Variants in EVI5 observed in about 807,000 individuals in gnomAD.
The protein encoded by EVI5 is ecotropic viral integration site 5, also known as ecotropic viral integration site 5 protein homolog.
Under a neutral mutation model 112.0 loss-of-function variants are expected in EVI5, and 73 were observed. The ratio of observed to expected loss-of-function variants is 0.65; its 90% CI spans 0.54 to 0.79. EVI5 has a LOEUF of 0.79. Ranked by LOEUF, EVI5 falls within the 30% of genes least tolerant of loss-of-function variation. The probability of loss-of-function intolerance (pLI) is 0.00; values close to 1 mark genes in which losing one functional copy is unlikely to be tolerated. For synonymous variants in EVI5, 305 were observed against 319.9 expected, an observed-to-expected ratio of 0.95 and a Z score of 0.50; for missense variants, 900 against 968.8, an observed-to-expected ratio of 0.93 and a Z score of 0.94.
At chr1:92,590,317 G>A (rs181332644) in intron 18 of EVI5, among the ~76,000 whole-genome samples, 15 of 152,220 alleles carry the variant, frequency 9.9e-5, no homozygotes, top group Admixed American at 2.0e-4. Context: ...GAACTACTCC[G>A]AGCTAAAGGA....
intron 18 of EVI5, among the ~76,000 whole-genome samples, chr1:92,570,608 A>C (rs1303643978): frequency 6.6e-6 from 1 of 152,218 alleles, no homozygotes; most frequent in Admixed American, 6.5e-5. Context: ...TAACATTGTA[A>C]GAGAGAAGTT....
intron 10 of EVI5, among the ~76,000 whole-genome samples, chr1:92,670,441 A>G (rs1288505527): frequency 2.0e-5 from 3 of 152,208 alleles, no homozygotes; most frequent in African/African-American, 7.2e-5. Flanking sequence ...CTTCTTGACA[A>G]AGTTTAATTT....
chr1:92,525,116 C>A (rs1661625617), intron 19 of EVI5, among the ~76,000 whole-genome samples: 1 of 152,148 alleles, frequency 6.6e-6, no homozygotes, highest in African/African-American at 2.4e-5. Flanking sequence ...GCAGGAATCA[C>A]TGGCGCCCAG....
Position 92,719,114 on chromosome 1 carries a change from G to A in EVI5, c.150-14370C>T, listed in dbSNP as rs142111435. On this transcript the variant is annotated intron_variant, in intron 2 of 19. Coordinates refer to ENST00000684568, the MANE Select transcript of EVI5 (RefSeq NM_001350197.2). ...GATTCACAGCCGAATTCTACCAGAG[G>A]TACAAAGAGGAGATGGTACCATTTC... 6.8e-3 allele frequency among the ~76,000 whole-genome samples: 1,030 copies of A among 150,720 alleles called. 22 individuals carry two copies. The highest frequency in any genetic ancestry group is 0.024 in the African/African-American group (946 of 40,094).
chr1:92,761,433 G>C (rs60815312), intron 1 of EVI5, among the ~76,000 whole-genome samples: 1 of 152,086 alleles, frequency 6.6e-6, no homozygotes, highest in African/African-American at 2.4e-5. Flanking sequence ...ATATCAAACT[G>C]AGAAGTACAT....
intron 19 of EVI5, among the ~76,000 whole-genome samples, chr1:92,542,288 C>G (rs966422037): frequency 3.3e-5 from 5 of 151,958 alleles, no homozygotes; most frequent in Non-Finnish European, 7.4e-5. Context: ...TTGCTCATCC[C>G]TAAGAAGCAA....
chr1:92,790,695 T>G (rs1319562327), intron 1 of EVI5, among the ~76,000 whole-genome samples: 1 of 151,552 alleles, frequency 6.6e-6, no homozygotes, highest in Non-Finnish European at 1.5e-5. Context: ...GGCGTGCACC[T>G]GTAGTCCCAG....
At chr1:92,694,457 A>G (rs1669994896) in intron 7 of EVI5, 69 bp from the exon 8 acceptor site, 4 of 875,206 alleles carry the variant, frequency 4.6e-6, no homozygotes, top group Non-Finnish European at 5.6e-6. Context: ...GTCATTTGAA[A>G]TAATACTAAG....
chr1:92,742,007 C>A (rs1678486903), intron 1 of EVI5, among the ~76,000 whole-genome samples: 1 of 151,806 alleles, frequency 6.6e-6, no homozygotes, highest in Non-Finnish European at 1.5e-5. Flanking sequence ...TGTGTATCAA[C>A]AGAGTAAAAA....
intron 9 of EVI5, among the ~76,000 whole-genome samples, chr1:92,688,194 T>C (rs7539761): frequency 6.6e-6 from 1 of 151,850 alleles, no homozygotes; most frequent in Non-Finnish European, 1.5e-5. Context: ...CATGGAATAC[T>C]ATGCATCCAT....
intron 1 of EVI5, among the ~76,000 whole-genome samples, chr1:92,771,963 T>C (rs1291395076): frequency 2.0e-5 from 3 of 152,050 alleles, no homozygotes; most frequent in Non-Finnish European, 4.4e-5. Flanking sequence ...CAAGCAATTC[T>C]CCTGCCTCAC....
intron 13 of EVI5, among the ~76,000 whole-genome samples, chr1:92,656,263 A>C (rs1259004449): frequency 6.6e-6 from 1 of 152,078 alleles, no homozygotes; most frequent in Non-Finnish European, 1.5e-5. Flanking sequence ...AACTATACAA[A>C]TACATAAAAA....
At chr1:92,702,271 C>A in intron 4 of EVI5, 56 bp from the exon 5 acceptor site, 1 of 880,570 alleles carries the variant, frequency 1.1e-6, no homozygotes, top group Non-Finnish European at 1.7e-6. Flanking sequence ...CTTCCTTCTC[C>A]AAAAAACCTA....
intron 18 of EVI5, among the ~76,000 whole-genome samples, chr1:92,564,820 C>T (rs1341188055): frequency 6.6e-6 from 1 of 151,818 alleles, no homozygotes; most frequent in Non-Finnish European, 1.5e-5. Context: ...GCTGGGATTA[C>T]AGGTGCCCAG....
chr1:92,686,266 C>A (rs904450544), intron 9 of EVI5, among the ~76,000 whole-genome samples: 3 of 152,170 alleles, frequency 2.0e-5, no homozygotes, highest in Non-Finnish European at 2.9e-5. Context: ...TAAACATAAT[C>A]CACCACGTAA....
intron 18 of EVI5, among the ~76,000 whole-genome samples, chr1:92,601,509 A>G (rs1042001836): frequency 3.9e-5 from 6 of 152,262 alleles, no homozygotes; most frequent in Admixed American, 1.3e-4. Flanking sequence ...CATATACACA[A>G]TGGAATATTA....
At chr1:92,580,084 C>T (rs575834589) in intron 18 of EVI5, among the ~76,000 whole-genome samples, 2 of 152,230 alleles carry the variant, frequency 1.3e-5, no homozygotes, top group South Asian at 4.1e-4. Flanking sequence ...ATCATTATCG[C>T]TATACACTTA....
At chr1:92,555,700 A>C (rs1471996921) in intron 19 of EVI5, among the ~76,000 whole-genome samples, 1 of 152,066 alleles carries the variant, frequency 6.6e-6, no homozygotes, top group Admixed American at 6.6e-5. Flanking sequence ...GATACAAAAA[A>C]TTAACCAGGT....
chr1:92,569,852 CAAAAAAAA>C (rs1184172805), intron 18 of EVI5, among the ~76,000 whole-genome samples: 2,388 of 39,436 alleles, frequency 0.061, 35 homozygotes, highest in Non-Finnish European at 0.085. Context: ...GACTCCATCT[CAAAAAAAA>C]AAAAAAAAAA....
Sources: allele counts gnomAD v4.1 joint callset (sites outside exome capture counted in the v4.1 genomes callset), GRCh38; gene constraint gnomAD v4.1.1; transcripts MANE v1.5; gene names NCBI Gene and HGNC (gene_info 2026-07-23, HGNC 2026-07-21).